DBF4: variants seen among roughly 807,000 people sequenced by gnomAD.
The protein encoded by DBF4 is protein DBF4 homolog A.
DBF4 carries 25 observed loss-of-function variants against 76.6 expected under a neutral mutation model. The ratio of observed to expected loss-of-function variants is 0.33; its 90% CI spans 0.24 to 0.46. The LOEUF is 0.46. DBF4 is among the 20% of genes least tolerant of loss of function. DBF4 has a pLI of 1.00. For synonymous variants in DBF4, 213 were observed against 258.0 expected, an observed-to-expected ratio of 0.83 and a Z score of 1.67; for missense variants, 638 against 760.8, an observed-to-expected ratio of 0.84 and a Z score of 1.90.
intron 3 of DBF4, among the ~76,000 whole-genome samples, chr7:87,885,729 G>A (rs1338894404): frequency 6.6e-6 from 1 of 152,198 alleles, no homozygotes; most frequent in Non-Finnish European, 1.5e-5. Context: ...TTGAATAGTT[G>A]CTGTAGAGAC....
chr7:87,887,602 G>T (rs1425724211), intron 5 of DBF4, among the ~76,000 whole-genome samples: 1 of 152,094 alleles, frequency 6.6e-6, no homozygotes, highest in East Asian at 1.9e-4. Flanking sequence ...AGAAGTCCTG[G>T]GTCAAAGGGC....
At position 87,907,525 on chromosome 7, in the gene DBF4, G is replaced by T. The variant is rs148263302; in HGVS notation, c.1387G>T (p.Asp463Tyr). 8.7e-5 allele frequency: 140 copies of T among 1,613,990 alleles called. No individual in the cohort carries two copies. In the African/African-American group the frequency reaches 1.8e-3, roughly 20 times the overall value. The change falls in exon 12 of 12, where the codon GAC becomes TAC. Residue 463 changes from aspartate (D) to tyrosine (Y), a missense_variant. Asp to Tyr is a radical substitution (Grantham distance 160). Transcript: ENST00000265728. ...TAAAAACAAACAGGAATGCATTCTT[G>T]ACATTTCCGAACACACATTAAGTGA... ...LHKNKQECIL[D>Y]ISEHTLSEND...
chr7:87,892,788 C>T (rs1200205171), intron 6 of DBF4, among the ~76,000 whole-genome samples: 2 of 152,142 alleles, frequency 1.3e-5, no homozygotes, highest in Non-Finnish European at 2.9e-5. Flanking sequence ...TTGTGACTTA[C>T]TCATTGTCCT....
At chr7:87,888,200 G>A (rs938633548) in intron 6 of DBF4, 141 bp downstream of exon 6, 28 of 1,262,624 alleles carry the variant, frequency 2.2e-5, no homozygotes, top group African/African-American at 1.4e-4. Flanking sequence ...CAAATAAATC[G>A]AGTGTCATTT....
rs114552625 is a variant in DBF4 at position 87,897,440 on chromosome 7, G to A, written c.680+101G>A. 6.0e-4 allele frequency: 663 copies of A among 1,114,132 alleles called. 2 individuals carry two copies. The African/African-American group carries it at 7.5e-3, about 13-fold the overall frequency. The allele number at this position is 1,114,132 out of a possible 1,614,324, so 69.0% of individuals were successfully genotyped here. The stretch of plus-strand genomic sequence containing the variant: ...TCGATTAGTACTGTTAGGTTCCTTT[G>A]TGTTTGATTTATATTATACTAATGT... On this transcript the variant is annotated intron_variant, in intron 8 of 11. Transcript: ENST00000265728.
chr7:87,885,769 C>G (rs1266383963), intron 3 of DBF4, among the ~76,000 whole-genome samples: 1 of 152,184 alleles, frequency 6.6e-6, no homozygotes, highest in Non-Finnish European at 1.5e-5. Context: ...AAAATGTGTA[C>G]TGTCTGGTCC....
At chr7:87,878,424 T>C in intron 2 of DBF4, 199 bp downstream of exon 2, 2 of 495,992 alleles carry the variant, frequency 4.0e-6, no homozygotes, top group Non-Finnish European at 7.0e-6. Context: ...TTTCTCTGAT[T>C]AGCAGTCTAG....
chr7:87,898,083 G>A (rs561385641), intron 8 of DBF4, among the ~76,000 whole-genome samples: 91 of 152,216 alleles, frequency 6.0e-4, no homozygotes, highest in Non-Finnish European at 6.6e-4. Context: ...CAGCCATGTG[G>A]GATAATCTTA....
chr7:87,894,771 C>T (rs1027134641), intron 6 of DBF4, among the ~76,000 whole-genome samples: 2 of 152,168 alleles, frequency 1.3e-5, no homozygotes, highest in Non-Finnish European at 2.9e-5. Flanking sequence ...GAGAAATCTG[C>T]AGTTACTCAA....
At position 87,878,069 on chromosome 7, in the gene DBF4, A is replaced by C; in HGVS notation, c.63A>C (p.Lys21Asn). ...KGHFQGGIQVKNEKNRPSLKS... is the reference protein window; with the variant it reads ...KGHFQGGIQVNNEKNRPSLKS... ...CTTTAATAGGTGGAATCCAAGTCAA[A>C]AATGAAAAAAACAGACCATCTCTGA... The change falls in exon 2 of 12, where the codon AAA becomes AAC. Residue 21 changes from lysine (K) to asparagine (N), a missense_variant. Transcript: ENST00000265728. 6.2e-7 allele frequency: 1 copy of C among 1,601,958 alleles called. No homozygotes were observed. The highest frequency in any genetic ancestry group is 1.7e-5 in the Admixed American group (1 of 57,702).
At chr7:87,886,812 CTA>C in intron 3 of DBF4, 30 bp from the exon 4 acceptor site, 2 of 1,322,502 alleles carry the variant, frequency 1.5e-6, no homozygotes. Flanking sequence ...CAGTTAAGCA[CTA>C]TGTTTTAAAT....
intron 8 of DBF4, among the ~76,000 whole-genome samples, chr7:87,898,190 C>T (rs1839687298): frequency 6.6e-6 from 1 of 152,154 alleles, no homozygotes; most frequent in Admixed American, 6.5e-5. Context: ...GGTTAATTCT[C>T]TTGGGTACTC....
chr7:87,891,401 G>C (rs2131056796), intron 6 of DBF4, among the ~76,000 whole-genome samples: 1 of 152,124 alleles, frequency 6.6e-6, no homozygotes, highest in African/African-American at 2.4e-5. Flanking sequence ...TACTAGCAAG[G>C]CTATCTAGCC....
intron 6 of DBF4, among the ~76,000 whole-genome samples, chr7:87,895,711 A>G (rs984353849): frequency 6.6e-6 from 1 of 152,084 alleles, no homozygotes; most frequent in East Asian, 1.9e-4. Context: ...TTCATGGATC[A>G]ATCTCCAGCT....
chr7:87,892,932 G>A (rs1839530113), intron 6 of DBF4, among the ~76,000 whole-genome samples: 1 of 152,106 alleles, frequency 6.6e-6, no homozygotes. Context: ...ATTTATCAGA[G>A]TTACCCAAAA....
At chr7:87,902,755 T>C (rs1164916652) in intron 10 of DBF4, among the ~76,000 whole-genome samples, 1 of 152,238 alleles carries the variant, frequency 6.6e-6, no homozygotes, top group Non-Finnish European at 1.5e-5. Flanking sequence ...ATAATTCTTA[T>C]TTTTATTACT....
intron 2 of DBF4, 118 bp from the exon 3 acceptor site, chr7:87,884,861 C>T (rs1839305113): frequency 1.4e-6 from 1 of 703,078 alleles, no homozygotes; most frequent in Non-Finnish European, 2.3e-6. Flanking sequence ...CACTTGAGAA[C>T]AGGGGGTTGA....
intron 3 of DBF4, among the ~76,000 whole-genome samples, chr7:87,885,690 A>T (rs1031613493): frequency 1.3e-4 from 20 of 152,374 alleles, no homozygotes; most frequent in Admixed American, 1.2e-3. Context: ...GTTTAGGTAT[A>T]ATCTGTAGTT....
intron 4 of DBF4, 151 bp downstream of exon 4, chr7:87,887,045 C>CT: frequency 1.6e-6 from 1 of 618,476 alleles, no homozygotes; most frequent in Non-Finnish European, 2.7e-6. Context: ...AAAGAACTTA[C>CT]TTTTCATGTA....
Sources: allele counts gnomAD v4.1 joint callset (sites outside exome capture counted in the v4.1 genomes callset), GRCh38; gene constraint gnomAD v4.1.1; transcripts MANE v1.5; gene names NCBI Gene and HGNC (gene_info 2026-07-23, HGNC 2026-07-21).